HACD1: variants seen among roughly 807,000 people sequenced by gnomAD.
HACD1 encodes the protein very-long-chain (3R)-3-hydroxyacyl-CoA dehydratase 1.
In HACD1, 41 loss-of-function variants were observed where a neutral mutation model predicts 32.0. The ratio of observed to expected loss-of-function variants is 1.28; its 90% CI spans 1.00 to 1.66. The LOEUF (loss-of-function observed/expected upper bound fraction) is 1.66. Ranked by LOEUF, HACD1 falls within the 40% of genes most tolerant of loss-of-function variation. The pLI is 0.00. For missense variants in HACD1, 396 were observed against 380.1 expected, an observed-to-expected ratio of 1.04 and a Z score of -0.35; for synonymous variants, 142 against 139.0, an observed-to-expected ratio of 1.02 and a Z score of -0.15.
intron 1 of HACD1, among the ~76,000 whole-genome samples, chr10:17,616,596 T>C (rs1263829178): frequency 1.3e-5 from 2 of 150,556 alleles, no homozygotes; most frequent in African/African-American, 4.9e-5. Context: ...AGTGGGGTGG[T>C]TATTTCAAAA....
chr10:17,600,305 T>TC (rs1554816384), intron 4 of HACD1, among the ~76,000 whole-genome samples: 1 of 152,220 alleles, frequency 6.6e-6, no homozygotes, highest in Non-Finnish European at 1.5e-5. Flanking sequence ...TGAGCAGTTA[T>TC]TTGCTCACCA....
intron 5 of HACD1, among the ~76,000 whole-genome samples, chr10:17,598,278 A>AAAAAAAAG (rs370233736): frequency 1.4e-5 from 2 of 146,378 alleles, no homozygotes; most frequent in Non-Finnish European, 3.0e-5. Context: ...AAAAAAAAAA[A>AAAAAAAAG]AGAGAAAAAA....
At chr10:17,610,266 A>C (rs1457385541) in intron 1 of HACD1, among the ~76,000 whole-genome samples, 1 of 152,200 alleles carries the variant, frequency 6.6e-6, no homozygotes, top group Non-Finnish European at 1.5e-5. Context: ...CTCTTACTTA[A>C]CATTCTGGGA....
At chr10:17,616,316 C>T (rs1352862936) in intron 1 of HACD1, among the ~76,000 whole-genome samples, 16 of 152,130 alleles carry the variant, frequency 1.1e-4, no homozygotes, top group African/African-American at 3.9e-4. Flanking sequence ...GTAAACTTTT[C>T]CTCGCGTTTA....
At chr10:17,590,475 C>A in intron 6 of HACD1, 29 bp from the exon 7 acceptor site, 1 of 1,484,080 alleles carries the variant, frequency 6.7e-7, no homozygotes, top group Non-Finnish European at 9.2e-7. Context: ...CAAAGAAAAA[C>A]AAGCTATTGC....
At position 17,589,184 on chromosome 10, in the gene HACD1, T is replaced by C. The variant is rs144943670; in HGVS notation, c.*1180A>G. 1.3e-5 allele frequency: 2 copies of C among 152,300 alleles called. No individual in the cohort carries two copies. Among genetic ancestry groups the C allele is most frequent in the East Asian group, 1.9e-4 (1 of 5,186 alleles). 9.4% of individuals were successfully genotyped at this position (152,300 alleles called of 1,614,324 possible). A position where few individuals can be genotyped will look rare whatever the true frequency, so the allele number is the denominator to read the frequency against. On this transcript the variant is annotated 3_prime_UTR_variant, in exon 7 of 7. Transcript: ENST00000361271. ...TACCACAAAGGGATTATCATAACAA[T>C]TGTTACAAGATAATTCTACAGTATA...
intron 4 of HACD1, 53 bp from the exon 5 acceptor site, chr10:17,599,464 G>T (rs1834039726): frequency 6.4e-7 from 1 of 1,569,294 alleles, no homozygotes; most frequent in Non-Finnish European, 8.6e-7. Flanking sequence ...TTACTTTTCA[G>T]TGAAGGTACT....
At position 17,601,313 on chromosome 10, in the gene HACD1, C is replaced by T. The variant is rs567094479; in HGVS notation, c.484-1902G>A. ...CCTCCCAAAGTGCTGGGATTATAGGCGTGAGCCACCCCACCCGCCCACCTT... is the reference window on the plus strand; with the variant it reads ...CCTCCCAAAGTGCTGGGATTATAGGTGTGAGCCACCCCACCCGCCCACCTT... On this transcript the variant is annotated intron_variant, in intron 4 of 6. Transcript: ENST00000361271. Among the ~76,000 whole-genome samples the T allele has an allele frequency of 4.2e-4, 64 of 152,288 alleles. 2 individuals are homozygous for T. The highest frequency in any genetic ancestry group is 1.5e-3 in the African/African-American group (64 of 41,552).
chr10:17,603,908 A>C (rs1554816806), intron 2 of HACD1, 22 bp downstream of exon 2: 1 of 1,551,918 alleles, frequency 6.4e-7, no homozygotes, highest in African/African-American at 1.4e-5. Context: ...GCAATAGAAA[A>C]ACAGCATGAT....
In HACD1 at chr10:17,608,158, T is replaced by C. The variant is rs566358648; in HGVS notation, c.258-4111A>G. Among the ~76,000 whole-genome samples, 82 of 152,220 alleles carry C rather than the reference T, an allele frequency of 5.4e-4. No homozygotes were observed. In the South Asian group the frequency reaches 0.017, roughly 31 times the overall value. ...TCGAGTAGCTGGGACCACAGGGGTG[T>C]ACCACCATACCTGGCTCATTATTGT... On this transcript the variant is annotated intron_variant, in intron 1 of 6. Transcript: ENST00000361271.
Position 17,594,198 on chromosome 10 carries a change from T to C in HACD1, c.784+7A>G. ...TCAAATCAAAGTACTAATAAGTATA[T>C]ACTTACAAGGTATATATGATGCCAT... On this transcript the variant is annotated splice_region_variant and intron_variant, in intron 6 of 6. Transcript: ENST00000361271. The C allele has an allele frequency of 8.8e-6, 13 of 1,469,188 alleles. No individual in the cohort carries two copies. Among genetic ancestry groups the C allele is most frequent in the South Asian group, 1.5e-5 (1 of 65,506 alleles). The allele number at this position is 1,469,188 out of a possible 1,614,324, so 91.0% of individuals were successfully genotyped here. A position where few individuals can be genotyped will look rare whatever the true frequency, so the allele number is the denominator to read the frequency against.
intron 5 of HACD1, among the ~76,000 whole-genome samples, chr10:17,598,720 A>G (rs530954649): frequency 6.6e-6 from 1 of 152,354 alleles, no homozygotes; most frequent in Non-Finnish European, 1.5e-5. Flanking sequence ...CAAAGAATTC[A>G]AACTTCAAGA....
At chr10:17,608,693 G>A (rs1834183487) in intron 1 of HACD1, among the ~76,000 whole-genome samples, 2 of 151,374 alleles carry the variant, frequency 1.3e-5, no homozygotes, top group South Asian at 4.2e-4. Flanking sequence ...CAACATGTTG[G>A]CCAGGCTGGT....
intron 5 of HACD1, 134 bp from the exon 6 acceptor site, chr10:17,594,517 A>C (rs1391677664): frequency 1.1e-5 from 7 of 626,354 alleles, no homozygotes; most frequent in Non-Finnish European, 1.7e-5. Flanking sequence ...ACCTTACGTA[A>C]GGTTAATAGT....
Position 17,617,361 on chromosome 10 carries a change from G to T in HACD1, c.-22C>A. ...CCATGTGCAGCGCGCAGGGGGCTCG[G>T]CGCAGCCAGCTCTACCGACCGCGAG... On this transcript the variant is annotated 5_prime_UTR_variant, in exon 1 of 7. Coordinates refer to ENST00000361271, the MANE Select transcript of HACD1 (RefSeq NM_014241.4). 7.5e-7 allele frequency: 1 copy of T among 1,340,878 alleles called. No homozygotes were observed. The highest frequency in any genetic ancestry group is 9.5e-7 in the Non-Finnish European group (1 of 1,051,274). 83.1% of individuals were successfully genotyped at this position (1,340,878 alleles called of 1,614,324 possible). A position where few individuals can be genotyped will look rare whatever the true frequency, so the allele number is the denominator to read the frequency against.
chr10:17,604,037 G>C lies in HACD1; in HGVS notation c.268C>G (p.Leu90Val), dbSNP rs781805055. The C allele has an allele frequency of 4.2e-5, 65 of 1,563,112 alleles. No homozygotes were observed. The highest frequency in any genetic ancestry group is 4.6e-5 in the Non-Finnish European group (53 of 1,160,164). ...DIAMTAGWLV[L>V]AIAMVRFYME... is the part of the protein sequence containing the mutation. ...TAAAAACGTACCATGGCAATAGCTA[G>C]AACCAACCACCTAAAAAAAAAAAGT... The change falls in exon 2 of 7, where the codon CTA becomes GTA. Residue 90 changes from leucine (L) to valine (V), a missense_variant. Physicochemically the swap from Leu to Val is conservative, Grantham distance 32. Coordinates refer to ENST00000361271, the MANE Select transcript of HACD1 (RefSeq NM_014241.4).
Position 17,616,947 on chromosome 10 carries a change from G to A in HACD1, c.257+136C>T, listed in dbSNP as rs1237211637. 6.0e-6 allele frequency: 6 copies of A among 1,001,848 alleles called. No homozygotes were observed. In the African/African-American group the frequency reaches 6.8e-5, roughly 11 times the overall value. 62.1% of individuals were successfully genotyped at this position (1,001,848 alleles called of 1,614,324 possible). On this transcript the variant is annotated intron_variant, in intron 1 of 6. Transcript: ENST00000361271. The stretch of plus-strand genomic sequence containing the variant: ...TCCATTCAACCCCGGCGGTGGCCGC[G>A]GCGACAGCTCCCTTCCCCCACGGCC...
Position 17,605,496 on chromosome 10 carries a change from G to A in HACD1, c.258-1449C>T, listed in dbSNP as rs1414632054. The stretch of plus-strand genomic sequence containing the variant: ...GCCAAGATCACGCCACTGCATTCCA[G>A]CCTGGGTGACAGAGCAAGACTCCAT... On this transcript the variant is annotated intron_variant, in intron 1 of 6. Transcript: ENST00000361271. 4.0e-5 allele frequency among the ~76,000 whole-genome samples: 6 copies of A among 149,018 alleles called. 1 individual carries two copies. The highest frequency in any genetic ancestry group is 8.9e-5 in the Non-Finnish European group (6 of 67,682).
Position 17,590,224 on chromosome 10 carries a change from A to G in HACD1, c.*140T>C, listed in dbSNP as rs1833911518. 5.3e-6 allele frequency: 3 copies of G among 561,626 alleles called. No individual in the cohort carries two copies. The highest frequency in any genetic ancestry group is 6.1e-6 in the Non-Finnish European group (2 of 327,054). 34.8% of individuals were successfully genotyped at this position (561,626 alleles called of 1,614,324 possible). On this transcript the variant is annotated 3_prime_UTR_variant, in exon 7 of 7. Transcript: ENST00000361271. ...GCACAAGAGGAACACAAATACTGGCAAATACCACGTGTCTCAAGTTATATT... is the reference window on the plus strand; with the variant it reads ...GCACAAGAGGAACACAAATACTGGCGAATACCACGTGTCTCAAGTTATATT...
Sources: allele counts gnomAD v4.1 joint callset (sites outside exome capture counted in the v4.1 genomes callset), GRCh38; gene constraint gnomAD v4.1.1; transcripts MANE v1.5; gene names NCBI Gene and HGNC (gene_info 2026-07-23, HGNC 2026-07-21).